The following AMPH variants were observed in gnomAD, a reference collection of about 807,000 sequenced individuals.
AMPH encodes the protein amphiphysin, also known as amphiphysin (Stiff-Mann syndrome with breast cancer 128kD autoantigen).
A neutral mutation model predicts 99.1 loss-of-function variants in AMPH; 49 were observed. The ratio of observed to expected loss-of-function variants is 0.49; its 90% CI spans 0.39 to 0.63. AMPH has a LOEUF of 0.63. AMPH is among the 20% of genes least tolerant of loss of function. The pLI is 0.00. For missense variants in AMPH, 759 were observed against 863.4 expected (o/e 0.88, Z 1.52); for synonymous variants, 314 against 317.3 (o/e 0.99, Z 0.11).
At chr7:38,508,369 G>A (rs946707748) in intron 2 of AMPH, among the ~76,000 whole-genome samples, 1 of 152,316 alleles carries the variant, frequency 6.6e-6, no homozygotes, top group East Asian at 1.9e-4. Flanking sequence ...CTGTTAAATA[G>A]GCAATGGCCT....
At chr7:38,429,322 C>A (rs1317468375) in intron 14 of AMPH, 1 of 1,288,474 alleles carries the variant, frequency 7.8e-7, no homozygotes, top group Non-Finnish European at 1.0e-6. Context: ...CTCTCTTCAG[C>A]TACAGTGGGC....
At chr7:38,626,319 A>C (rs1466019370) in intron 1 of AMPH, among the ~76,000 whole-genome samples, 2 of 152,222 alleles carry the variant, frequency 1.3e-5, no homozygotes, top group Non-Finnish European at 2.9e-5. Context: ...AGTAACCAAA[A>C]CAACATGGTA....
At chr7:38,408,080 T>G (rs923078376) in intron 17 of AMPH, among the ~76,000 whole-genome samples, 3 of 152,248 alleles carry the variant, frequency 2.0e-5, no homozygotes, top group Admixed American at 2.0e-4. Flanking sequence ...CAAGTTTAAG[T>G]AACTCACCTA....
At chr7:38,495,680 T>A (rs1788906816) in intron 3 of AMPH, among the ~76,000 whole-genome samples, 1 of 152,142 alleles carries the variant, frequency 6.6e-6, no homozygotes, top group Non-Finnish European at 1.5e-5. Context: ...GCTGTATTAT[T>A]TAAAACTATG....
At chr7:38,417,705 G>A (rs539636283) in intron 17 of AMPH, 120 bp downstream of exon 17, 36 of 1,320,678 alleles carry the variant, frequency 2.7e-5, no homozygotes, top group Non-Finnish European at 3.6e-5. Context: ...TGGGAGCTAC[G>A]ACAGATATGG....
At chr7:38,483,767 G>A (rs1361070503) in intron 5 of AMPH, among the ~76,000 whole-genome samples, 1 of 152,048 alleles carries the variant, frequency 6.6e-6, no homozygotes, top group Non-Finnish European at 1.5e-5. Flanking sequence ...TAAAAACAGG[G>A]AAATATGTTT....
At chr7:38,393,162 G>A (rs933102095) in intron 18 of AMPH, among the ~76,000 whole-genome samples, 2 of 152,120 alleles carry the variant, frequency 1.3e-5, no homozygotes, top group Non-Finnish European at 2.9e-5. Flanking sequence ...GGGGAAAAAG[G>A]AATATTCTTT....
chr7:38,398,079 A>G (rs1784722763), intron 17 of AMPH, among the ~76,000 whole-genome samples: 1 of 147,856 alleles, frequency 6.8e-6, no homozygotes, highest in Non-Finnish European at 1.5e-5. Context: ...TAATGCAACT[A>G]TTATGGTGAA....
chr7:38,425,562 A>G (rs557561990), intron 15 of AMPH, among the ~76,000 whole-genome samples: 108 of 152,228 alleles, frequency 7.1e-4, no homozygotes, highest in Non-Finnish European at 1.2e-3. Flanking sequence ...TAGCATTTTC[A>G]TCACTATTAC....
chr7:38,506,306 A>G (rs1367429531), intron 2 of AMPH, among the ~76,000 whole-genome samples: 3 of 152,362 alleles, frequency 2.0e-5, no homozygotes, highest in Non-Finnish European at 2.9e-5. Flanking sequence ...TAAAAAGCCC[A>G]ATAGAATTAG....
At chr7:38,573,394 C>A (rs1792120642) in intron 1 of AMPH, among the ~76,000 whole-genome samples, 1 of 152,200 alleles carries the variant, frequency 6.6e-6, no homozygotes. Context: ...CACATACATA[C>A]ACTCCTATGA....
chr7:38,517,405 C>G (rs1398291290), intron 2 of AMPH, among the ~76,000 whole-genome samples: 1 of 152,238 alleles, frequency 6.6e-6, no homozygotes, highest in Non-Finnish European at 1.5e-5. Flanking sequence ...TCCCTTCACT[C>G]TCTTCCTCCT....
chr7:38,548,363 T>C (rs1791065605), intron 1 of AMPH, among the ~76,000 whole-genome samples: 1 of 152,166 alleles, frequency 6.6e-6, no homozygotes, highest in Admixed American at 6.5e-5. Flanking sequence ...GTATGCAGCC[T>C]TTTTATCTTT....
chr7:38,470,610 CA>C (rs1787848198), intron 7 of AMPH, among the ~76,000 whole-genome samples: 1 of 152,108 alleles, frequency 6.6e-6, no homozygotes, highest in Non-Finnish European at 1.5e-5. Context: ...TTAGTGCTCT[CA>C]AAGGTTCTGC....
chr7:38,486,772 CAT>C (rs1788514583), intron 5 of AMPH, among the ~76,000 whole-genome samples: 1 of 152,002 alleles, frequency 6.6e-6, no homozygotes, highest in Non-Finnish European at 1.5e-5. Flanking sequence ...AATGGTTTAA[CAT>C]ATGAGAATCA....
intron 14 of AMPH, chr7:38,429,266 C>A (rs756576488): frequency 1.6e-6 from 2 of 1,285,910 alleles, no homozygotes; most frequent in South Asian, 1.2e-5. Context: ...GCTTTGGGGG[C>A]AGTTGTTCAT....
chr7:38,397,647 C>T (rs1220721085), intron 17 of AMPH, among the ~76,000 whole-genome samples: 4 of 152,186 alleles, frequency 2.6e-5, no homozygotes, highest in South Asian at 2.1e-4. Flanking sequence ...GCACACAAAG[C>T]GAAAATGGAC....
chr7:38,626,900 AT>A lies in AMPH; in HGVS notation c.69+4382del, dbSNP rs1435200644. Among the ~76,000 whole-genome samples, 4 of 152,228 alleles carry A rather than the reference AT, an allele frequency of 2.6e-5. No individual in the cohort carries two copies. In the East Asian group the frequency reaches 7.7e-4, roughly 29 times the overall value. ...TTCATGATAAGCTTTTTACTAACAT[AT>A]TTTTTAACTGCACACATAAAAATGT... On this transcript the variant is annotated intron_variant, in intron 1 of 20. Coordinates refer to ENST00000356264, the MANE Select transcript of AMPH (RefSeq NM_001635.4).
At chr7:38,493,791 A>C (rs1258232838) in intron 4 of AMPH, among the ~76,000 whole-genome samples, 1 of 152,186 alleles carries the variant, frequency 6.6e-6, no homozygotes, top group Non-Finnish European at 1.5e-5. Context: ...AGGGGGATTG[A>C]GATGAACGGG....
Sources: gnomAD v4.1 joint callset for allele counts (sites outside exome capture counted in the v4.1 genomes callset) on GRCh38, gnomAD v4.1.1 for gene constraint, MANE v1.5 for transcripts, NCBI Gene and HGNC (gene_info 2026-07-23, HGNC 2026-07-21) for gene names.